The following STT3B variants were observed in gnomAD, a reference collection of about 807,000 sequenced individuals.
The protein encoded by STT3B is dolichyl-diphosphooligosaccharide--protein glycosyltransferase subunit STT3B.
STT3B carries 29 observed loss-of-function variants against 96.8 expected under a neutral mutation model. That is an observed-to-expected ratio of 0.30 (90% confidence interval 0.22 to 0.41). The LOEUF (loss-of-function observed/expected upper bound fraction) is 0.41. Ranked by LOEUF, STT3B falls within the 10% of genes least tolerant of loss-of-function variation. STT3B has a pLI of 1.00. For synonymous variants in STT3B, 367 were observed against 360.0 expected (o/e 1.02, Z -0.22); for missense variants, 640 against 1,022.3 (o/e 0.63, Z 5.10).
In STT3B at chr3:31,637,388, T is replaced by C. The variant is rs183343561; in HGVS notation, c.*1324T>C. 6.6e-6 allele frequency: 1 copy of C among 152,348 alleles called. No individual in the cohort carries two copies. Among genetic ancestry groups the C allele is most frequent in the African/African-American group, 2.4e-5 (1 of 41,588 alleles). The allele number at this position is 152,348 out of a possible 1,614,324, so 9.4% of individuals were successfully genotyped here. On this transcript the variant is annotated 3_prime_UTR_variant, in exon 16 of 16. Transcript: ENST00000295770. ...TCAGTGAGAATGTTACTGCTGATTTTCTTTTCCAAGGTGTAGAATATTCTT... is the reference window on the plus strand; with the variant it reads ...TCAGTGAGAATGTTACTGCTGATTTCCTTTTCCAAGGTGTAGAATATTCTT...
chr3:31,592,117 T>C lies in STT3B; in HGVS notation c.712-4681T>C, dbSNP rs150289758. 1.2e-3 allele frequency among the ~76,000 whole-genome samples: 183 copies of C among 152,282 alleles called. 2 individuals are homozygous for C. Among genetic ancestry groups the C allele is most frequent in the Middle Eastern group, 6.8e-3 (2 of 294 alleles). Reference sequence around the variant, plus strand: ...AACTATACCCATTAAACAATATCTCTCCTTTCCACCTTCCCCTCCGCCCCT... The same window carrying C: ...AACTATACCCATTAAACAATATCTCCCCTTTCCACCTTCCCCTCCGCCCCT... On this transcript the variant is annotated intron_variant, in intron 3 of 15. Transcript: ENST00000295770.
intron 1 of STT3B, among the ~76,000 whole-genome samples, chr3:31,545,496 A>G (rs1046128396): frequency 5.2e-4 from 79 of 152,316 alleles, no homozygotes; most frequent in African/African-American, 1.7e-3. Flanking sequence ...TACAACTTGC[A>G]TATATAATGG....
chr3:31,588,697 A>C, intron 3 of STT3B, among the ~76,000 whole-genome samples: 1 of 152,098 alleles, frequency 6.6e-6, no homozygotes, highest in Non-Finnish European at 1.5e-5. Flanking sequence ...TGAAAAGTAT[A>C]AGATCTGTGT....
At chr3:31,533,464 G>A (rs1696996801) in intron 1 of STT3B, 152 bp downstream of exon 1, 2 of 1,087,494 alleles carry the variant, frequency 1.8e-6, no homozygotes, top group East Asian at 7.3e-5. Context: ...CGGAGCTCCG[G>A]GCGCGCCCCC....
chr3:31,559,884 A>T (rs576018818), intron 1 of STT3B, among the ~76,000 whole-genome samples: 1 of 152,078 alleles, frequency 6.6e-6, no homozygotes, highest in Non-Finnish European at 1.5e-5. Context: ...TTGGGTGCGT[A>T]TATGTTTAGA....
intron 4 of STT3B, among the ~76,000 whole-genome samples, chr3:31,597,445 A>G (rs1698818194): frequency 6.6e-6 from 1 of 151,880 alleles, no homozygotes; most frequent in Non-Finnish European, 1.5e-5. Flanking sequence ...GGCATGAGCC[A>G]CCATGCCTGG....
intron 13 of STT3B, 97 bp from the exon 14 acceptor site, chr3:31,629,201 T>G: frequency 5.5e-6 from 4 of 730,226 alleles, no homozygotes; most frequent in Non-Finnish European, 9.4e-6. Context: ...TAAAGATACC[T>G]CAGAAGCTTA....
Position 31,633,100 on chromosome 3 carries a change from C to G in STT3B, c.2353C>G (p.Pro785Ala). ...TAACAGGGAGACATTAGATCACAAACCTCGAGTCACCAACATTTTCCCAAA... is the reference window on the plus strand; with the variant it reads ...TAACAGGGAGACATTAGATCACAAAGCTCGAGTCACCAACATTTTCCCAAA... ...PDNRETLDHK[P>A]RVTNIFPKQK... Residue 785 changes from proline (P) to alanine (A), a missense_variant, in exon 15 of 16, where the codon CCT becomes GCT. By Grantham distance (27) the Pro-to-Ala change is conservative. This residue lies in a region of STT3B where 51 missense variants were observed against 64.2 expected (regional missense o/e 0.79). Coordinates refer to ENST00000295770, the MANE Select transcript of STT3B (RefSeq NM_178862.3). The G allele has an allele frequency of 6.2e-7, 1 of 1,613,976 alleles. No individual in the cohort carries two copies. The highest frequency in any genetic ancestry group is 1.1e-5 in the South Asian group (1 of 91,072).
Position 31,622,084 on chromosome 3 carries a change from T to C in STT3B, c.1328-13T>C. The C allele has an allele frequency of 6.2e-7, 1 of 1,610,064 alleles. No homozygotes were observed. The highest frequency in any genetic ancestry group is 8.5e-7 in the Non-Finnish European group (1 of 1,176,268). On this transcript the variant is annotated splice_polypyrimidine_tract_variant and intron_variant, in intron 9 of 15. Coordinates refer to ENST00000295770, the MANE Select transcript of STT3B (RefSeq NM_178862.3). ...TTCCCTCCAACATATTGTAAGAGAA[T>C]TTGTCTTTGCAGTTGCTCTATATGC...
intron 1 of STT3B, among the ~76,000 whole-genome samples, chr3:31,540,449 C>G (rs1403445601): frequency 1.3e-5 from 2 of 151,908 alleles, no homozygotes; most frequent in African/African-American, 2.4e-5. Flanking sequence ...ATAATATTTT[C>G]TTTTGGGGTT....
At chr3:31,586,170 T>C (rs973476628) in intron 3 of STT3B, among the ~76,000 whole-genome samples, 2 of 152,132 alleles carry the variant, frequency 1.3e-5, no homozygotes, top group Admixed American at 6.6e-5. Context: ...TAGTATCTTA[T>C]GGCTTTCGTT....
intron 3 of STT3B, among the ~76,000 whole-genome samples, chr3:31,583,966 A>C (rs1698477137): frequency 6.6e-6 from 1 of 152,090 alleles, no homozygotes. Context: ...TTGTGCTTTT[A>C]GTGTCATATT....
chr3:31,616,856 T>G, intron 6 of STT3B, 73 bp from the exon 7 acceptor site: 1 of 1,335,550 alleles, frequency 7.5e-7, no homozygotes, highest in African/African-American at 1.4e-5. Context: ...TCTAAGAAGC[T>G]CTTTCAAATG....
At chr3:31,616,855 C>T (rs1699317635) in intron 6 of STT3B, 74 bp from the exon 7 acceptor site, 3 of 1,319,816 alleles carry the variant, frequency 2.3e-6, no homozygotes, top group Non-Finnish European at 3.2e-6. Flanking sequence ...TTCTAAGAAG[C>T]TCTTTCAAAT....
At chr3:31,634,985 G>A (rs1442539376) in intron 15 of STT3B, among the ~76,000 whole-genome samples, 1 of 152,164 alleles carries the variant, frequency 6.6e-6, no homozygotes, top group Non-Finnish European at 1.5e-5. Flanking sequence ...AAGAAGGATT[G>A]CATTTTGCCT....
At chr3:31,568,708 G>A (rs1221584789) in intron 1 of STT3B, among the ~76,000 whole-genome samples, 1 of 152,046 alleles carries the variant, frequency 6.6e-6, no homozygotes, top group Non-Finnish European at 1.5e-5. Context: ...TTTGCTTCAG[G>A]ACATAATCAT....
intron 1 of STT3B, among the ~76,000 whole-genome samples, chr3:31,562,369 T>G (rs1697900883): frequency 6.6e-6 from 1 of 152,138 alleles, no homozygotes; most frequent in South Asian, 2.1e-4. Flanking sequence ...GGGCCTGACC[T>G]CAGACCCTGG....
At chr3:31,619,525 T>C (rs1163132129) in intron 8 of STT3B, 151 bp from the exon 9 acceptor site, 1 of 628,536 alleles carries the variant, frequency 1.6e-6, no homozygotes, top group Admixed American at 3.2e-5. Flanking sequence ...ACAGAAACTA[T>C]CCAGTATAAC....
chr3:31,538,936 G>GT (rs1454965124), intron 1 of STT3B, among the ~76,000 whole-genome samples: 6 of 152,078 alleles, frequency 3.9e-5, no homozygotes, highest in Non-Finnish European at 7.4e-5. Context: ...ATACTGTAGG[G>GT]TTTTTTGTTT....
Sources: allele counts gnomAD v4.1 joint callset (sites outside exome capture counted in the v4.1 genomes callset), GRCh38; gene constraint gnomAD v4.1.1; regional missense constraint gnomAD v4.1.1; transcripts MANE v1.5; gene names NCBI Gene and HGNC (gene_info 2026-07-23, HGNC 2026-07-21).